Variants in TAF6L observed in about 807,000 individuals in gnomAD.
TAF6L encodes TATA-box binding protein associated factor 6 like.
In TAF6L, 34 loss-of-function variants were observed where a neutral mutation model predicts 57.3. The observed-to-expected ratio is 0.59, with a 90% CI of 0.45 to 0.79. TAF6L has a LOEUF of 0.79. Among genes scored for constraint, TAF6L ranks in the 30% least tolerant of loss-of-function variants. TAF6L has a pLI of 0.00. For synonymous variants in TAF6L, 417 were observed against 376.3 expected (o/e 1.11, Z -1.25); for missense variants, 782 against 853.2 (o/e 0.92, Z 1.04).
At chr11:62,784,375 G>C (rs1297140650) in intron 9 of TAF6L, among the ~76,000 whole-genome samples, 3 of 149,964 alleles carry the variant, frequency 2.0e-5, no homozygotes, top group Non-Finnish European at 4.4e-5. Flanking sequence ...CGCCATCTTG[G>C]CTAACTGCAA....
intron 3 of TAF6L, among the ~76,000 whole-genome samples, chr11:62,776,850 G>GAAA (rs71056563): frequency 2.9e-5 from 2 of 68,138 alleles, no homozygotes; most frequent in Admixed American, 1.7e-4. Flanking sequence ...CTCAAAAAAA[G>GAAA]AAAAAAAAAA....
chr11:62,786,815 C>T lies in TAF6L; in HGVS notation c.1388C>T (p.Pro463Leu). The change falls in exon 11 of 11, where the codon CCC becomes CTC. Residue 463 changes from proline (P) to leucine (L), a missense_variant. Coordinates refer to ENST00000294168, the MANE Select transcript of TAF6L (RefSeq NM_006473.4). Reference protein sequence around the residue: ...ATRFGTGQPAPTAPRPPGDKK... With the variant: ...ATRFGTGQPALTAPRPPGDKK... Reference sequence around the variant, plus strand: ...CGCTTTGGCACCGGCCAGCCTGCACCCACGGCTCCGCGGCCGCCCGGGGAC... The same window carrying T: ...CGCTTTGGCACCGGCCAGCCTGCACTCACGGCTCCGCGGCCGCCCGGGGAC... 6.2e-7 allele frequency: 1 copy of T among 1,607,116 alleles called. No individual in the cohort carries two copies. The highest frequency in any genetic ancestry group is 8.5e-7 in the Non-Finnish European group (1 of 1,179,204).
In TAF6L at chr11:62,775,765, T is replaced by A. The variant is rs766699216; in HGVS notation, c.-13-6T>A. ...AGCTTTTCCAGTCTTCATTCTCCAC[T>A]CCCAGCTCCACTGGGGCCATGTCAG... On this transcript the variant is annotated splice_region_variant and splice_polypyrimidine_tract_variant and intron_variant, in intron 1 of 10. Transcript: ENST00000294168. The A allele has an allele frequency of 6.3e-7, 1 of 1,598,474 alleles. No homozygotes were observed. Among genetic ancestry groups the A allele is most frequent in the South Asian group, 1.1e-5 (1 of 90,216 alleles).
chr11:62,782,814 C>T lies in TAF6L; in HGVS notation c.949C>T (p.Leu317Phe). The T allele has an allele frequency of 6.2e-7, 1 of 1,614,072 alleles. No individual in the cohort carries two copies. The highest frequency in any genetic ancestry group is 8.5e-7 in the Non-Finnish European group (1 of 1,180,016). The change falls in exon 9 of 11, where the codon CTT becomes TTT. Residue 317 changes from leucine to phenylalanine, a missense_variant. By Grantham distance (22) the Leu-to-Phe change is conservative. This residue lies in a region of TAF6L where 483 missense variants were observed against 445.1 expected (regional missense o/e 1.09). Transcript: ENST00000294168. ...HYGAVVGLHALGWKAVERVLY... is the reference protein window; with the variant it reads ...HYGAVVGLHAFGWKAVERVLY... Reference sequence around the variant, plus strand: ...TGGAGCCGTGGTGGGGCTGCATGCTCTTGGCTGGAAGGTGAGCACCCTGGC... The same window carrying T: ...TGGAGCCGTGGTGGGGCTGCATGCTTTTGGCTGGAAGGTGAGCACCCTGGC...
chr11:62,774,451 T>G (rs1194059567), intron 1 of TAF6L: 3 of 390,836 alleles, frequency 7.7e-6, no homozygotes, highest in African/African-American at 6.2e-5. Flanking sequence ...TAGCTGTCCA[T>G]TGGATGTAGG....
At chr11:62,776,050 G>A in intron 2 of TAF6L, 120 bp downstream of exon 2, 1 of 1,286,238 alleles carries the variant, frequency 7.8e-7, no homozygotes, top group Non-Finnish European at 1.1e-6. Flanking sequence ...AACAGAGACA[G>A]TCCATGCCTT....
rs1040833191 is a variant in TAF6L at position 62,786,645 on chromosome 11, C to G, written c.1218C>G (p.Ser406=). 7 of 1,603,806 alleles carry G rather than the reference C, an allele frequency of 4.4e-6. No individual in the cohort carries two copies. The highest frequency in any genetic ancestry group is 6.0e-6 in the Non-Finnish European group (7 of 1,175,614). The change falls in exon 11 of 11, where the codon TCC becomes TCG. Residue 406 remains serine (S), a synonymous_variant. Coordinates refer to ENST00000294168, the MANE Select transcript of TAF6L (RefSeq NM_006473.4). ...ACAGCCTTCTCTTTCAAGAGTCGTC[C>G]TCCGGGGGCGGTGCAGAACCCAGCT... ...PWDSLLFQES[S]SGGGAEPSFG...
At chr11:62,781,450 G>T (rs1336938932) in intron 6 of TAF6L, among the ~76,000 whole-genome samples, 1 of 152,040 alleles carries the variant, frequency 6.6e-6, no homozygotes, top group African/African-American at 2.4e-5. Flanking sequence ...GAGGTGGGCA[G>T]ATCACGAGGT....
Position 62,786,934 on chromosome 11 carries a change from C to T in TAF6L, c.1507C>T (p.Arg503Trp), listed in dbSNP as rs781427424. The T allele has an allele frequency of 1.4e-5, 20 of 1,469,030 alleles. No individual in the cohort carries two copies. Among genetic ancestry groups the T allele is most frequent in the Admixed American group, 1.0e-4 (4 of 40,030 alleles). 91.0% of individuals were successfully genotyped at this position (1,469,030 alleles called of 1,614,324 possible). The change falls in exon 11 of 11, where the codon CGG becomes TGG. Residue 503 changes from arginine (R) to tryptophan (W), a missense_variant. Coordinates refer to ENST00000294168, the MANE Select transcript of TAF6L (RefSeq NM_006473.4). ...IVSPHGDESP[R>W]GSGGGGPASA... The stretch of plus-strand genomic sequence containing the variant: ...CAGCCCGCACGGCGACGAGAGCCCC[C>T]GGGGCAGCGGCGGAGGCGGCCCCGC...
intron 9 of TAF6L, among the ~76,000 whole-genome samples, chr11:62,783,355 G>A (rs373233695): frequency 2.0e-5 from 3 of 152,006 alleles, no homozygotes; most frequent in South Asian, 4.2e-4. Context: ...GGTGGCGGGC[G>A]CCTGTAGTCC....
At chr11:62,774,885 C>A (rs1240559815) in intron 1 of TAF6L, among the ~76,000 whole-genome samples, 1 of 147,170 alleles carries the variant, frequency 6.8e-6, no homozygotes, top group Non-Finnish European at 1.5e-5. Flanking sequence ...GAACAAAACT[C>A]CGTCTCAAAA....
intron 6 of TAF6L, 56 bp downstream of exon 6, chr11:62,779,019 G>GTTTTT: frequency 4.5e-5 from 42 of 932,408 alleles, no homozygotes; most frequent in Middle Eastern, 2.4e-4. Context: ...TTCTAGACCT[G>GTTTTT]TTTTTTTTTT....
In TAF6L at chr11:62,771,441, C is replaced by A; in HGVS notation, c.-63C>A. ...CGTGAGTGGGCGCCGCCGCCACCGCCCCCGCCGCCGTCGTCTCGGTAGCAG... is the reference window on the plus strand; with the variant it reads ...CGTGAGTGGGCGCCGCCGCCACCGCACCCGCCGCCGTCGTCTCGGTAGCAG... On this transcript the variant is annotated 5_prime_UTR_variant, in exon 1 of 11. Transcript: ENST00000294168. 6.4e-6 allele frequency: 1 copy of A among 157,134 alleles called. No individual in the cohort carries two copies. The highest frequency in any genetic ancestry group is 1.7e-4 in the South Asian group (1 of 5,900). 9.7% of individuals were successfully genotyped at this position (157,134 alleles called of 1,614,324 possible).
At chr11:62,782,848 C>A in intron 9 of TAF6L, 23 bp downstream of exon 9, 1 of 1,613,066 alleles carries the variant, frequency 6.2e-7, no homozygotes, top group African/African-American at 1.3e-5. Flanking sequence ...GCCTTTCTCA[C>A]ACAGCCGTAA....
chr11:62,782,608 G>C (rs909625669), intron 8 of TAF6L, 85 bp from the exon 9 acceptor site: 13 of 1,564,896 alleles, frequency 8.3e-6, no homozygotes, highest in Non-Finnish European at 1.0e-5. Flanking sequence ...GTGCTGTACA[G>C]ATGCTATTCT....
intron 6 of TAF6L, among the ~76,000 whole-genome samples, chr11:62,780,906 C>T (rs1274590570): frequency 3.5e-5 from 5 of 144,612 alleles, no homozygotes; most frequent in African/African-American, 1.3e-4. Flanking sequence ...CACCGCACTC[C>T]AGCCTGGGCA....
intron 5 of TAF6L, 104 bp downstream of exon 5, chr11:62,778,439 C>A (rs367806308): frequency 7.3e-7 from 1 of 1,364,814 alleles, no homozygotes; most frequent in East Asian, 2.4e-5. Context: ...ATGTGTTTAC[C>A]CATGCCTGCC....
intron 9 of TAF6L, among the ~76,000 whole-genome samples, chr11:62,784,943 C>CA (rs1430698426): frequency 6.6e-6 from 1 of 152,174 alleles, no homozygotes; most frequent in Non-Finnish European, 1.5e-5. Flanking sequence ...ACTGGCCTTA[C>CA]AGAATGATGT....
chr11:62,772,415 C>T (rs1222727888), intron 1 of TAF6L, among the ~76,000 whole-genome samples: 1 of 151,322 alleles, frequency 6.6e-6, no homozygotes, highest in Non-Finnish European at 1.5e-5. Context: ...CCTAGCTACT[C>T]GGGAGGCTGA....
Sources: gnomAD v4.1 joint callset for allele counts (sites outside exome capture counted in the v4.1 genomes callset) on GRCh38, gnomAD v4.1.1 for gene constraint, gnomAD v4.1.1 regional missense constraint, MANE v1.5 for transcripts, NCBI Gene and HGNC (gene_info 2026-07-23, HGNC 2026-07-21) for gene names.